Variants in RAD51B observed in about 807,000 individuals in gnomAD.
The protein encoded by RAD51B is RAD51 paralog B.
In RAD51B, 38 loss-of-function variants were observed where a neutral mutation model predicts 42.2. That is an observed-to-expected ratio of 0.90 (90% confidence interval 0.70 to 1.18). The LOEUF is 1.18. RAD51B is among the 50% of genes most tolerant of loss of function. The pLI, the probability that RAD51B is intolerant of heterozygous loss-of-function variation, is 0.00. For synonymous variants in RAD51B, 154 were observed against 145.2 expected, an observed-to-expected ratio of 1.06 and a Z score of -0.43; for missense variants, 373 against 400.7, an observed-to-expected ratio of 0.93 and a Z score of 0.59.
intron 7 of RAD51B, among the ~76,000 whole-genome samples, chr14:68,082,620 G>A (rs908525042): frequency 1.3e-5 from 2 of 151,596 alleles, no homozygotes; most frequent in Non-Finnish European, 2.9e-5. Flanking sequence ...TTAACACTAT[G>A]TCTTGGAATT....
chr14:67,846,380 C>A (rs1415641894), intron 4 of RAD51B, among the ~76,000 whole-genome samples: 1 of 152,168 alleles, frequency 6.6e-6, no homozygotes, highest in African/African-American at 2.4e-5. Flanking sequence ...GGGTTACACT[C>A]TACACCACAG....
At chr14:68,394,027 T>G (rs959880951) in intron 8 of RAD51B, among the ~76,000 whole-genome samples, 2 of 152,148 alleles carry the variant, frequency 1.3e-5, no homozygotes, top group African/African-American at 4.8e-5. Context: ...GACTGAACAG[T>G]GAGCCAGGCA....
chr14:68,456,901 T>G (rs1239593485), intron 9 of RAD51B, among the ~76,000 whole-genome samples: 5 of 97,378 alleles, frequency 5.1e-5, no homozygotes, highest in Admixed American at 2.0e-4. Flanking sequence ...TTTTTTTTTT[T>G]TTTTTTTTTT....
chr14:67,873,849 G>A (rs1456488142), intron 5 of RAD51B, among the ~76,000 whole-genome samples: 4 of 145,010 alleles, frequency 2.8e-5, no homozygotes, highest in Non-Finnish European at 6.0e-5. Context: ...CAAAAAACCA[G>A]ACACTGCATA....
At chr14:68,101,995 T>C (rs1216986990) in intron 7 of RAD51B, among the ~76,000 whole-genome samples, 4 of 152,176 alleles carry the variant, frequency 2.6e-5, no homozygotes, top group Admixed American at 6.5e-5. Flanking sequence ...TGTGCATCCA[T>C]AGGTCCAACA....
At chr14:68,209,724 A>G (rs566396697) in intron 7 of RAD51B, among the ~76,000 whole-genome samples, 1 of 152,288 alleles carries the variant, frequency 6.6e-6, no homozygotes, top group Admixed American at 6.5e-5. Flanking sequence ...CCATCTTGCT[A>G]GAATAGAAGG....
At chr14:68,253,700 G>C (rs1056902442) in intron 7 of RAD51B, among the ~76,000 whole-genome samples, 1 of 152,128 alleles carries the variant, frequency 6.6e-6, no homozygotes, top group African/African-American at 2.4e-5. Context: ...TTTTAAATCT[G>C]TATTTATTTA....
At chr14:68,662,187 C>T (rs1014975127) in intron 11 of RAD51B, among the ~76,000 whole-genome samples, 1 of 152,226 alleles carries the variant, frequency 6.6e-6, no homozygotes, top group Non-Finnish European at 1.5e-5. Flanking sequence ...TAAGATGACA[C>T]CAATTTTCTT....
intron 5 of RAD51B, among the ~76,000 whole-genome samples, chr14:67,883,139 G>A (rs1032475514): frequency 6.6e-6 from 1 of 152,018 alleles, no homozygotes; most frequent in African/African-American, 2.4e-5. Flanking sequence ...GTCACTACCA[G>A]CTCTTAACTG....
intron 10 of RAD51B, among the ~76,000 whole-genome samples, chr14:68,539,417 C>T (rs1887830778): frequency 6.6e-6 from 1 of 152,210 alleles, no homozygotes; most frequent in African/African-American, 2.4e-5. Context: ...ACTCCGCCCC[C>T]TCCTCCGCCT....
At chr14:68,071,220 G>C (rs1024267655) in intron 7 of RAD51B, among the ~76,000 whole-genome samples, 1 of 152,238 alleles carries the variant, frequency 6.6e-6, no homozygotes, top group East Asian at 1.9e-4. Flanking sequence ...AAGAGAGATA[G>C]TTTGACTTCC....
chr14:68,422,785 G>A lies in RAD51B; in HGVS notation c.957+11258G>A, dbSNP rs73276288. On this transcript the variant is annotated intron_variant, in intron 9 of 10. Transcript: ENST00000471583. The stretch of plus-strand genomic sequence containing the variant: ...TCATTGAGCTTTCCTGATTTCTGCC[G>A]CTGTAAATAATTTGGAATTTTCAGT... Among the ~76,000 whole-genome samples, 1,134 of 152,094 alleles carry A rather than the reference G, an allele frequency of 7.5e-3. 14 individuals carry two copies. Among genetic ancestry groups the A allele is most frequent in the African/African-American group, 0.026 (1,096 of 41,484 alleles).
chr14:68,197,438 T>C (rs1445267325), intron 7 of RAD51B, among the ~76,000 whole-genome samples: 1 of 152,170 alleles, frequency 6.6e-6, no homozygotes, highest in East Asian at 1.9e-4. Context: ...CTTTTAGGGA[T>C]AGATATGTGG....
At chr14:68,593,645 C>A (rs1890856091) in intron 10 of RAD51B, among the ~76,000 whole-genome samples, 1 of 152,158 alleles carries the variant, frequency 6.6e-6, no homozygotes, top group South Asian at 2.1e-4. Context: ...GGCACCTGGG[C>A]TGGCTGAAAG....
chr14:67,983,115 A>G (rs905077542), intron 7 of RAD51B, among the ~76,000 whole-genome samples: 1 of 151,988 alleles, frequency 6.6e-6, no homozygotes, highest in Non-Finnish European at 1.5e-5. Context: ...TAGTTAAATG[A>G]CTCATTTACA....
At chr14:68,665,668 G>A (rs1893018379) in intron 11 of RAD51B, among the ~76,000 whole-genome samples, 3 of 152,210 alleles carry the variant, frequency 2.0e-5, no homozygotes, top group Admixed American at 2.0e-4. Context: ...CCAAAAGAAT[G>A]ATGAAAACTT....
At chr14:67,994,163 G>A (rs1362029181) in intron 7 of RAD51B, among the ~76,000 whole-genome samples, 1 of 150,488 alleles carries the variant, frequency 6.6e-6, no homozygotes, top group African/African-American at 2.4e-5. Context: ...TTTCCATATT[G>A]CTTTTTGAAA....
chr14:68,018,859 T>A (rs1019714021), intron 7 of RAD51B, among the ~76,000 whole-genome samples: 7 of 152,188 alleles, frequency 4.6e-5, no homozygotes, highest in African/African-American at 1.7e-4. Flanking sequence ...TAAATAAGCC[T>A]AAGTTCAAAG....
At chr14:67,990,827 C>T (rs2075284240) in intron 7 of RAD51B, among the ~76,000 whole-genome samples, 1 of 152,124 alleles carries the variant, frequency 6.6e-6, no homozygotes, top group African/African-American at 2.4e-5. Flanking sequence ...AAAAGCAAAA[C>T]TGGAAAGCTA....
Sources: gnomAD v4.1 joint callset for allele counts (sites outside exome capture counted in the v4.1 genomes callset) on GRCh38, gnomAD v4.1.1 for gene constraint, MANE v1.5 for transcripts, NCBI Gene and HGNC (gene_info 2026-07-23, HGNC 2026-07-21) for gene names.